The following CA10 variants were observed in gnomAD, a reference collection of about 807,000 sequenced individuals.
CA10 encodes carbonic anhydrase-related protein 10.
CA10 carries 14 observed loss-of-function variants against 44.2 expected under a neutral mutation model. The observed-to-expected ratio is 0.32, with a 90% CI of 0.21 to 0.50. The LOEUF (loss-of-function observed/expected upper bound fraction) is 0.50, where lower values mean the gene tolerates loss of function less well. Ranked by LOEUF, CA10 falls within the 20% of genes least tolerant of loss-of-function variation. The pLI is 0.99. For synonymous variants in CA10, 159 were observed against 141.6 expected (o/e 1.12, Z -0.87); for missense variants, 350 against 409.7 (o/e 0.85, Z 1.26).
At chr17:52,150,728 G>T (rs1989685950) in intron 1 of CA10, among the ~76,000 whole-genome samples, 1 of 152,144 alleles carries the variant, frequency 6.6e-6, no homozygotes, top group Non-Finnish European at 1.5e-5. Context: ...GTCAAATAGT[G>T]TATCTATTGC....
At chr17:51,802,318 T>A (rs1230682852) in intron 3 of CA10, among the ~76,000 whole-genome samples, 3 of 152,166 alleles carry the variant, frequency 2.0e-5, no homozygotes, top group Non-Finnish European at 2.9e-5. Context: ...GAGCAATTTA[T>A]GTAATCTCCC....
chr17:51,959,743 G>A (rs1443861368), intron 2 of CA10, among the ~76,000 whole-genome samples: 2 of 142,128 alleles, frequency 1.4e-5, no homozygotes, highest in East Asian at 2.3e-4. Context: ...AAATAGAGCA[G>A]GTTGAGGTTA....
intron 7 of CA10, among the ~76,000 whole-genome samples, chr17:51,633,875 T>G (rs778918381): frequency 6.6e-6 from 1 of 152,238 alleles, no homozygotes; most frequent in Non-Finnish European, 1.5e-5. Context: ...AGCTTGTGTA[T>G]GCCTCTGAAC....
chr17:51,871,915 G>C (rs1501266), intron 3 of CA10, among the ~76,000 whole-genome samples: 19,468 of 152,140 alleles, frequency 0.13, 1,616 homozygotes, highest in African/African-American at 0.25. Context: ...CAAATGCCAA[G>C]AAGAATGAAA....
At chr17:51,994,262 TC>T (rs200741531) in intron 2 of CA10, among the ~76,000 whole-genome samples, 1 of 144,068 alleles carries the variant, frequency 6.9e-6, no homozygotes, top group African/African-American at 2.6e-5. Context: ...AGAGTTTTTT[TC>T]CCCCTATGAC....
intron 3 of CA10, among the ~76,000 whole-genome samples, chr17:51,797,380 C>A (rs958512013): frequency 1.3e-5 from 2 of 152,142 alleles, no homozygotes; most frequent in Non-Finnish European, 2.9e-5. Flanking sequence ...ACACGCACAC[C>A]CCGCCCTCCA....
chr17:51,970,673 C>T (rs544530039), intron 2 of CA10, among the ~76,000 whole-genome samples: 4 of 152,192 alleles, frequency 2.6e-5, no homozygotes, highest in Admixed American at 2.0e-4. Context: ...ATTCATCAGT[C>T]TTTCCAAGTT....
At chr17:51,696,076 G>A (rs950576419) in intron 4 of CA10, among the ~76,000 whole-genome samples, 3 of 152,014 alleles carry the variant, frequency 2.0e-5, no homozygotes, top group Non-Finnish European at 2.9e-5. Flanking sequence ...CTAGTATTTC[G>A]TTGCAGATTT....
At chr17:52,073,276 A>G (rs963134540) in intron 1 of CA10, among the ~76,000 whole-genome samples, 2 of 152,208 alleles carry the variant, frequency 1.3e-5, no homozygotes, top group African/African-American at 2.4e-5. Context: ...AGTTCTAGGG[A>G]AAAGACTCAT....
chr17:52,064,330 T>C (rs528680641), intron 2 of CA10, among the ~76,000 whole-genome samples: 1 of 152,322 alleles, frequency 6.6e-6, no homozygotes, highest in African/African-American at 2.4e-5. Context: ...CCAAGGAAAC[T>C]GTGAAATAAC....
intron 3 of CA10, among the ~76,000 whole-genome samples, chr17:51,750,072 C>A (rs1598025991): frequency 6.6e-6 from 1 of 152,288 alleles, no homozygotes; most frequent in African/African-American, 2.4e-5. Flanking sequence ...CCATAACTTC[C>A]TTTTCAGTAC....
At chr17:52,092,066 TTTCTCC>T (rs1254942379) in intron 1 of CA10, among the ~76,000 whole-genome samples, 4 of 151,974 alleles carry the variant, frequency 2.6e-5, no homozygotes, top group Non-Finnish European at 4.4e-5. Flanking sequence ...TCTCTTTCTC[TTTCTCC>T]GCCTGTCTGT....
intron 3 of CA10, among the ~76,000 whole-genome samples, chr17:51,874,886 T>C (rs1979983235): frequency 6.6e-6 from 1 of 152,200 alleles, no homozygotes; most frequent in African/African-American, 2.4e-5. Context: ...TCTCCACGCT[T>C]ACCCTTGGGC....
chr17:51,722,236 A>G (rs956838154), intron 4 of CA10, among the ~76,000 whole-genome samples: 4 of 152,122 alleles, frequency 2.6e-5, no homozygotes, highest in Non-Finnish European at 4.4e-5. Flanking sequence ...AGACAGCTGA[A>G]TTGTCTAATG....
chr17:51,940,206 G>A (rs1217928220), intron 2 of CA10, among the ~76,000 whole-genome samples: 2 of 152,054 alleles, frequency 1.3e-5, no homozygotes, highest in Non-Finnish European at 2.9e-5. Context: ...GTTTCCATAT[G>A]TATTGGATTT....
intron 4 of CA10, among the ~76,000 whole-genome samples, chr17:51,723,406 C>T (rs535324045): frequency 2.0e-5 from 3 of 152,254 alleles, no homozygotes; most frequent in East Asian, 1.9e-4. Context: ...GTATGAGAAA[C>T]GTGGTTCAGA....
At chr17:51,921,249 G>A (rs1210915605) in intron 3 of CA10, among the ~76,000 whole-genome samples, 2 of 152,142 alleles carry the variant, frequency 1.3e-5, no homozygotes, top group Admixed American at 6.6e-5. Context: ...GCCTCATTGT[G>A]TTCTACAATT....
chr17:51,915,507 A>G (rs1339002721), intron 3 of CA10, among the ~76,000 whole-genome samples: 1 of 152,216 alleles, frequency 6.6e-6, no homozygotes, highest in Non-Finnish European at 1.5e-5. Context: ...TTTTAATTTT[A>G]TATTTCTAAT....
intron 4 of CA10, among the ~76,000 whole-genome samples, chr17:51,717,064 C>T (rs1280416226): frequency 2.6e-5 from 4 of 152,160 alleles, no homozygotes; most frequent in Non-Finnish European, 5.9e-5. Flanking sequence ...TGTCCCCAGT[C>T]CCTGGCACAG....
Sources: gnomAD v4.1 joint callset for allele counts (sites outside exome capture counted in the v4.1 genomes callset) on GRCh38, gnomAD v4.1.1 for gene constraint, MANE v1.5 for transcripts, NCBI Gene and HGNC (gene_info 2026-07-23, HGNC 2026-07-21) for gene names.